Variants in TREML4 observed in about 807,000 individuals in gnomAD.
TREML4 encodes the protein trem-like transcript 4 protein.
A neutral mutation model predicts 25.4 loss-of-function variants in TREML4; 25 were observed. That is an observed-to-expected ratio of 0.98 (90% CI 0.72 to 1.37). TREML4 has a LOEUF of 1.37. TREML4 is among the 40% of genes most tolerant of loss of function. TREML4 has a pLI of 0.00. For synonymous variants in TREML4, 92 were observed against 87.9 expected (o/e 1.05, Z -0.26); for missense variants, 268 against 236.5 (o/e 1.13, Z -0.87).
chr6:41,231,596 G>T (rs1766801404), intron 4 of TREML4, among the ~76,000 whole-genome samples: 1 of 151,808 alleles, frequency 6.6e-6, no homozygotes, highest in African/African-American at 2.4e-5. Flanking sequence ...TGGATCATGA[G>T]GACGATCCAT....
Position 41,236,617 on chromosome 6 carries a change from G to A in TREML4, c.*35G>A. 1.3e-6 allele frequency: 2 copies of A among 1,548,072 alleles called. No individual in the cohort carries two copies. Among genetic ancestry groups the A allele is most frequent in the South Asian group, 2.2e-5 (2 of 89,220 alleles). On this transcript the variant is annotated splice_region_variant and 3_prime_UTR_variant, in exon 5 of 6. Coordinates refer to ENST00000341495, the MANE Select transcript of TREML4 (RefSeq NM_198153.3). ...GTGCTCCTGATCTGCAGGTGCCACA[G>A]GTGAGGGGGCCTGGATTTCACCTGG...
chr6:41,234,138 A>T (rs1411047963), intron 4 of TREML4, among the ~76,000 whole-genome samples: 1 of 152,034 alleles, frequency 6.6e-6, no homozygotes, highest in Non-Finnish European at 1.5e-5. Flanking sequence ...ACGACACAGA[A>T]TATATTCTCC....
rs756198468 is a variant in TREML4, at chr6:41,236,478, C to T, written c.507-8C>T. ...AAGTCCATCCTCCTTTCTCCTTCTTCCCTGCAGGAAATCAAGAGCCCCTGC... is the reference window on the plus strand; with the variant it reads ...AAGTCCATCCTCCTTTCTCCTTCTTTCCTGCAGGAAATCAAGAGCCCCTGC... On this transcript the variant is annotated splice_polypyrimidine_tract_variant and splice_region_variant and intron_variant, in intron 4 of 5. Coordinates refer to ENST00000341495, the MANE Select transcript of TREML4 (RefSeq NM_198153.3). 9.3e-6 allele frequency: 15 copies of T among 1,613,506 alleles called. No individual in the cohort carries two copies. In the African/African-American group the frequency reaches 1.9e-4, roughly 20 times the overall value.
intron 5 of TREML4, 40 bp downstream of exon 5, chr6:41,236,657 G>A (rs777154910): frequency 1.7e-6 from 2 of 1,191,064 alleles, no homozygotes; most frequent in Non-Finnish European, 2.5e-6. Flanking sequence ...AATGGAGCTG[G>A]GGCCAGATTC....
chr6:41,229,471 C>A (rs1411999896), intron 2 of TREML4, 50 bp from the exon 3 acceptor site: 1 of 1,604,208 alleles, frequency 6.2e-7, no homozygotes, highest in Non-Finnish European at 8.5e-7. Context: ...GTAGACCCTA[C>A]TCTCTTCTGG....
chr6:41,229,020 A>T lies in TREML4; in HGVS notation c.370A>T (p.Asn124Tyr). Residue 124 changes from asparagine to tyrosine, a missense_variant, in exon 2 of 6, where the codon AAT (asparagine) becomes TAT (tyrosine). Transcript: ENST00000341495. ...CGAAAACATCATCACTGTTCTTAGA[A>T]ATATCAGCCTGGTGGTGTCTCCAGG... ...ASENIITVLR[N>Y]ISLVVSPAPT... 6.2e-7 allele frequency: 1 copy of T among 1,613,734 alleles called. No homozygotes were observed. Among genetic ancestry groups the T allele is most frequent in the Non-Finnish European group, 8.5e-7 (1 of 1,179,832 alleles).
intron 4 of TREML4, among the ~76,000 whole-genome samples, chr6:41,231,616 G>A (rs4714438): frequency 0.71 from 107,707 of 152,060 alleles, 39,770 homozygotes; most frequent in East Asian, 0.85. Flanking sequence ...TTGGAAAAAA[G>A]AGCCAAATGC....
In TREML4 at chr6:41,237,352, T is replaced by A; in HGVS notation, c.*333T>A. On this transcript the variant is annotated 3_prime_UTR_variant, in exon 6 of 6. Transcript: ENST00000341495. ...ATTGGGAAGACCTGGGGTGGGGGTT[T>A]CTGCATCCGGGTCAATGCCCAGCTC... 6.2e-6 allele frequency: 1 copy of A among 161,352 alleles called. No individual in the cohort carries two copies. The highest frequency in any genetic ancestry group is 1.4e-5 in the Non-Finnish European group (1 of 73,668). 10.0% of individuals were successfully genotyped at this position (161,352 alleles called of 1,614,324 possible).
chr6:41,229,078 C>T (rs1285989900), intron 2 of TREML4, 34 bp downstream of exon 2: 4 of 1,566,210 alleles, frequency 2.6e-6, no homozygotes, highest in Non-Finnish European at 3.5e-6. Flanking sequence ...ACCTCTGTGC[C>T]ACCCCCCAGG....
intron 3 of TREML4, 31 bp from the exon 4 acceptor site, chr6:41,230,031 G>A (rs1352026935): frequency 1.3e-6 from 2 of 1,576,202 alleles, no homozygotes. Flanking sequence ...GGTGCCCTGG[G>A]CAGCCACTGT....
At chr6:41,230,664 G>A (rs1179899395) in intron 4 of TREML4, among the ~76,000 whole-genome samples, 1 of 152,148 alleles carries the variant, frequency 6.6e-6, no homozygotes, top group African/African-American at 2.4e-5. Flanking sequence ...ACAACTAACT[G>A]CCAGAGCATT....
chr6:41,229,775 G>A, intron 3 of TREML4: 1 of 654,080 alleles, frequency 1.5e-6, no homozygotes, highest in African/African-American at 1.8e-5. Context: ...AGATCGCCAT[G>A]TTCTCACGAT....
rs200214656 is a variant in TREML4 at position 41,230,110 on chromosome 6, G to A, written c.494G>A (p.Gly165Asp). 1.2e-6 allele frequency: 2 copies of A among 1,611,328 alleles called. No individual in the cohort carries two copies. Among genetic ancestry groups the A allele is most frequent in the East Asian group, 2.2e-5 (1 of 44,872 alleles). ...ACCTCTGGCCATCCCTCCATCAATGGCTCTGAGACCAGGTAGGTCAGAGGT... is the reference window on the plus strand; with the variant it reads ...ACCTCTGGCCATCCCTCCATCAATGACTCTGAGACCAGGTAGGTCAGAGGT... ...EGTSGHPSIN[G>D]SETRKSRAPA... Residue 165 changes from glycine (G) to aspartate (D), a missense_variant, in exon 4 of 6, where the codon GGC becomes GAC. By Grantham distance (94) the Gly-to-Asp change is moderately conservative. Transcript: ENST00000341495.
chr6:41,231,035 T>C (rs1055670337), intron 4 of TREML4: 6 of 375,750 alleles, frequency 1.6e-5, no homozygotes, highest in Admixed American at 1.2e-4. Flanking sequence ...CTTATGATAA[T>C]TGAATGGCTA....
chr6:41,228,713 G>C lies in TREML4; in HGVS notation c.64-1G>C. The stretch of plus-strand genomic sequence containing the variant: ...TTCTTTCTGCCGGTTCCTGGGTAAA[G>C]GGTGCTGTGCCTGAAGAACTTCACA... On this transcript the variant is annotated splice_acceptor_variant, in intron 1 of 5. Transcript: ENST00000341495. LOFTEE classifies it high-confidence loss of function. 2 of 1,610,454 alleles carry C rather than the reference G, an allele frequency of 1.2e-6. No homozygotes were observed. Among genetic ancestry groups the C allele is most frequent in the African/African-American group, 2.7e-5 (2 of 74,918 alleles).
intron 2 of TREML4, 67 bp downstream of exon 2, chr6:41,229,111 C>A (rs965000800): frequency 5.1e-6 from 7 of 1,378,210 alleles, no homozygotes; most frequent in South Asian, 3.9e-5. Flanking sequence ...ATGTCATGCA[C>A]CCCCTCCCAT....
At chr6:41,232,475 G>C in intron 4 of TREML4, 1 of 236,642 alleles carries the variant, frequency 4.2e-6, no homozygotes, top group South Asian at 4.8e-5. Flanking sequence ...GACTGGCTTC[G>C]CAGAAGACAA....
intron 4 of TREML4, chr6:41,232,463 G>C (rs1014989682): frequency 1.5e-5 from 4 of 265,158 alleles, no homozygotes; most frequent in African/African-American, 8.9e-5. Context: ...TATGGCACCA[G>C]AGACTGGCTT....
chr6:41,237,428 A>G lies in TREML4; in HGVS notation c.*409A>G. ...CTCTCCAGCACTCTGTCGTTCTCTG[A>G]GCCCCACCTCAGCAGGTCTCCAGGA... On this transcript the variant is annotated 3_prime_UTR_variant, in exon 6 of 6. Transcript: ENST00000341495. 1 of 152,520 alleles carries G rather than the reference A, an allele frequency of 6.6e-6. No homozygotes were observed. Among genetic ancestry groups the G allele is most frequent in the South Asian group, 2.1e-4 (1 of 4,818 alleles). 9.4% of individuals were successfully genotyped at this position (152,520 alleles called of 1,614,324 possible).
Sources: allele counts gnomAD v4.1 joint callset (sites outside exome capture counted in the v4.1 genomes callset), GRCh38; gene constraint gnomAD v4.1.1; transcripts MANE v1.5; gene names NCBI Gene and HGNC (gene_info 2026-07-23, HGNC 2026-07-21).